Variants in CALHM4 observed in about 807,000 individuals in gnomAD.
The protein encoded by CALHM4 is calcium homeostasis modulator protein 4.
CALHM4 carries 16 observed loss-of-function variants against 13.3 expected under a neutral mutation model. The observed-to-expected ratio is 1.20, with a 90% CI of 0.81 to 1.82. CALHM4 has a LOEUF of 1.82. Among genes scored for constraint, CALHM4 ranks in the 40% most tolerant of loss-of-function variants. The pLI is 0.00. For missense variants in CALHM4, 344 were observed against 374.9 expected (o/e 0.92, Z 0.68); for synonymous variants, 127 against 137.1 (o/e 0.93, Z 0.52).
intron 2 of CALHM4, among the ~76,000 whole-genome samples, chr6:116,546,170 G>C (rs1198749208): frequency 6.6e-6 from 1 of 152,122 alleles, no homozygotes; most frequent in Admixed American, 6.6e-5. Flanking sequence ...GATAGAATGG[G>C]CAATATTTTC....
chr6:116,553,022 C>A (rs1003419002), upstream of CALHM4, among the ~76,000 whole-genome samples: 4 of 152,094 alleles, frequency 2.6e-5, no homozygotes, highest in Non-Finnish European at 5.9e-5. Context: ...TGCAGTGAGC[C>A]GAGATCGCGC....
intron 1 of CALHM4, among the ~76,000 whole-genome samples, chr6:116,541,070 G>C (rs1316698255): frequency 6.6e-6 from 1 of 152,004 alleles, no homozygotes; most frequent in East Asian, 1.9e-4. Context: ...TATGGGATTG[G>C]GGGAAGGTAT....
At chr6:116,543,265 C>T (rs1460764593) in intron 1 of CALHM4, 4 of 1,466,824 alleles carry the variant, frequency 2.7e-6, no homozygotes, top group Non-Finnish European at 3.7e-6. Flanking sequence ...ATGTAAGAAA[C>T]AACAGCCATT....
In CALHM4 at chr6:116,554,086, A is replaced by T; in HGVS notation, c.293A>T (p.Lys98Met). ...PYRRISPLECKLACLRFFSIT... is the reference protein window; with the variant it reads ...PYRRISPLECMLACLRFFSIT... ...AGGAGAATCAGCCCCCTAGAGTGCAAGCTGGCTTGCCTTAGGTTCTTCAGC... is the reference window on the plus strand; with the variant it reads ...AGGAGAATCAGCCCCCTAGAGTGCATGCTGGCTTGCCTTAGGTTCTTCAGC... The change falls in exon 1 of 2, where the codon AAG (lysine) becomes ATG (methionine). Residue 98 changes from lysine (K) to methionine (M), a missense_variant. Coordinates refer to ENST00000368596, the MANE Select transcript of CALHM4 (RefSeq NM_001366078.2). The T allele has an allele frequency of 6.4e-7, 1 of 1,550,622 alleles. No individual in the cohort carries two copies. The highest frequency in any genetic ancestry group is 1.4e-5 in the African/African-American group (1 of 73,152).
At chr6:116,548,924 C>T (rs1410165050), upstream of CALHM4, among the ~76,000 whole-genome samples, 1 of 152,142 alleles carries the variant, frequency 6.6e-6, no homozygotes, top group African/African-American at 2.4e-5. Context: ...ATGTGTATTG[C>T]CTTCACACAA....
In CALHM4 at chr6:116,560,603, C is replaced by T. The variant is rs1294594494; in HGVS notation, c.*2392C>T. The stretch of plus-strand genomic sequence containing the variant: ...TACACACCCCTGGGATTTCATCTTA[C>T]AGTACATTATCTATCTCAGATCAAA... On this transcript the variant is annotated 3_prime_UTR_variant, in exon 2 of 2. Coordinates refer to ENST00000368596, the MANE Select transcript of CALHM4 (RefSeq NM_001366078.2). Among the ~76,000 whole-genome samples, 4 of 139,370 alleles carry T rather than the reference C, an allele frequency of 2.9e-5. No individual in the cohort carries two copies. The highest frequency in any genetic ancestry group is 4.5e-5 in the Non-Finnish European group (3 of 66,378). The allele number at this position is 139,370 out of a possible 152,430, so 91.4% of individuals were successfully genotyped here.
Position 116,560,473 on chromosome 6 carries a change from T to C in CALHM4, c.*2262T>C, listed in dbSNP as rs1315700060. 1.3e-5 allele frequency among the ~76,000 whole-genome samples: 2 copies of C among 152,210 alleles called. No individual in the cohort carries two copies. The highest frequency in any genetic ancestry group is 4.8e-5 in the African/African-American group (2 of 41,460). Reference sequence around the variant, plus strand: ...TTTTATATTTTGAGCCAGTTAATCATGATCTTCCCCTATAACTTTCTGGCA... The same window carrying C: ...TTTTATATTTTGAGCCAGTTAATCACGATCTTCCCCTATAACTTTCTGGCA... On this transcript the variant is annotated 3_prime_UTR_variant, in exon 2 of 2. Transcript: ENST00000368596.
chr6:116,558,326 T>A lies in CALHM4; in HGVS notation c.*115T>A. ...CTTTTTCTTTCTCTCTGATATTTGTTTACGTAAGTCCATCTCAAATATTAT... is the reference window on the plus strand; with the variant it reads ...CTTTTTCTTTCTCTCTGATATTTGTATACGTAAGTCCATCTCAAATATTAT... On this transcript the variant is annotated 3_prime_UTR_variant, in exon 2 of 2. Coordinates refer to ENST00000368596, the MANE Select transcript of CALHM4 (RefSeq NM_001366078.2). 8.9e-7 allele frequency: 1 copy of A among 1,117,582 alleles called. No individual in the cohort carries two copies. Among genetic ancestry groups the A allele is most frequent in the Non-Finnish European group, 1.2e-6 (1 of 803,138 alleles). The allele number at this position is 1,117,582 out of a possible 1,614,324, so 69.2% of individuals were successfully genotyped here.
rs547886863 is a variant in CALHM4 at position 116,533,766 on chromosome 6, AGCGT to A, written c.-109+4579_-109+4582del. ...AAGAAGGGGCTTTTCTTCTGTCTCT[AGCGT>A]GCCTTTTGTTGGCTTGCTCCTGCTG... On this transcript the variant is annotated intron_variant, in intron 1 of 2. Transcript: ENST00000368597. 1.3e-3 allele frequency among the ~76,000 whole-genome samples: 202 copies of A among 152,270 alleles called. 1 individual carries two copies. Among genetic ancestry groups the A allele is most frequent in the Non-Finnish European group, 2.3e-3 (154 of 68,016 alleles).
At chr6:116,543,326 A>G in intron 1 of CALHM4, 4 of 1,549,512 alleles carry the variant, frequency 2.6e-6, no homozygotes, top group Non-Finnish European at 3.5e-6. Flanking sequence ...ATTGGTTCAC[A>G]TCTTCATCCT....
At chr6:116,552,987 T>A (rs533340110), upstream of CALHM4, among the ~76,000 whole-genome samples, 24 of 152,240 alleles carry the variant, frequency 1.6e-4, no homozygotes, top group East Asian at 4.4e-3. Context: ...GGCAGGAGAA[T>A]GGCGTGAACC....
intron 1 of CALHM4, among the ~76,000 whole-genome samples, chr6:116,537,619 A>AT (rs1773181034): frequency 6.6e-6 from 1 of 152,112 alleles, no homozygotes; most frequent in Admixed American, 6.6e-5. Context: ...CTATTTCCAC[A>AT]TATTGAAGAC....
chr6:116,556,090 C>A (rs868782478), intron 1 of CALHM4, among the ~76,000 whole-genome samples: 13 of 152,314 alleles, frequency 8.5e-5, no homozygotes, highest in African/African-American at 2.9e-4. Context: ...ACTATTCATG[C>A]TATTTTCCTT....
intron 1 of CALHM4, among the ~76,000 whole-genome samples, chr6:116,557,336 T>C (rs1187126846): frequency 2.0e-5 from 3 of 152,196 alleles, no homozygotes; most frequent in Non-Finnish European, 4.4e-5. Flanking sequence ...GGAAAAAATA[T>C]CAGTGAACAC....
intron 2 of CALHM4, among the ~76,000 whole-genome samples, chr6:116,546,436 C>T (rs1773786464): frequency 6.6e-6 from 1 of 152,184 alleles, no homozygotes; most frequent in African/African-American, 2.4e-5. Flanking sequence ...TAATTTTCTT[C>T]TACTTATAGT....
upstream of CALHM4, among the ~76,000 whole-genome samples, chr6:116,551,999 A>T (rs1240479865): frequency 6.6e-6 from 1 of 152,192 alleles, no homozygotes; most frequent in Admixed American, 6.5e-5. Flanking sequence ...TGGACTTTTA[A>T]AAGATTATAC....
rs1480680909 is a variant in CALHM4 at position 116,560,123 on chromosome 6, T to G, written c.*1912T>G. ...TAAATATGGAATGTCACATCCATTT[T>G]GTTCCCTAAGGTCTGCTCCAGTTCT... On this transcript the variant is annotated 3_prime_UTR_variant, in exon 2 of 2. Coordinates refer to ENST00000368596, the MANE Select transcript of CALHM4 (RefSeq NM_001366078.2). Among the ~76,000 whole-genome samples the G allele has an allele frequency of 6.6e-6, 1 of 152,236 alleles. No individual in the cohort carries two copies. Among genetic ancestry groups the G allele is most frequent in the Non-Finnish European group, 1.5e-5 (1 of 68,036 alleles).
chr6:116,530,223 C>T (rs984423805), intron 1 of CALHM4, among the ~76,000 whole-genome samples: 1 of 152,086 alleles, frequency 6.6e-6, no homozygotes, highest in Non-Finnish European at 1.5e-5. Context: ...ACCACCCCCC[C>T]TCCTTTTTAA....
chr6:116,548,066 A>T (rs1283578719), intron 2 of CALHM4, among the ~76,000 whole-genome samples: 3 of 152,212 alleles, frequency 2.0e-5, no homozygotes, highest in African/African-American at 7.2e-5. Flanking sequence ...CCTAAAATTT[A>T]TGTGTTTAAA....
Sources: allele counts gnomAD v4.1 joint callset (sites outside exome capture counted in the v4.1 genomes callset), GRCh38; gene constraint gnomAD v4.1.1; transcripts MANE v1.5; gene names NCBI Gene and HGNC (gene_info 2026-07-23, HGNC 2026-07-21).